The following ZNF277 variants were observed in gnomAD, a reference collection of about 807,000 sequenced individuals.
ZNF277 encodes the protein nuclear receptor-interacting factor 4.
A neutral mutation model predicts 60.7 loss-of-function variants in ZNF277; 55 were observed. The ratio of observed to expected loss-of-function variants is 0.91; its 90% CI spans 0.73 to 1.13. The LOEUF is 1.13. Among genes scored for constraint, ZNF277 ranks in the 50% most tolerant of loss-of-function variants. The probability of loss-of-function intolerance (pLI) is 0.00; values close to 1 mark genes in which losing one functional copy is unlikely to be tolerated. For synonymous variants in ZNF277, 178 were observed against 179.3 expected (o/e 0.99, Z 0.06); for missense variants, 510 against 523.0 (o/e 0.98, Z 0.24).
At chr7:112,219,213 T>C (rs1191784800) in intron 1 of ZNF277, among the ~76,000 whole-genome samples, 1 of 152,240 alleles carries the variant, frequency 6.6e-6, no homozygotes, top group African/African-American at 2.4e-5. Context: ...ATTAGTGATG[T>C]TGAGCATTTC....
intron 1 of ZNF277, among the ~76,000 whole-genome samples, chr7:112,224,701 G>A (rs956846197): frequency 1.3e-5 from 2 of 152,202 alleles, no homozygotes; most frequent in African/African-American, 2.4e-5. Flanking sequence ...GAACTATGCA[G>A]GTCTGGCAAG....
chr7:112,228,709 C>G (rs372215622), intron 1 of ZNF277, among the ~76,000 whole-genome samples: 1 of 152,090 alleles, frequency 6.6e-6, no homozygotes, highest in African/African-American at 2.4e-5. Context: ...ATAGTATATG[C>G]TAAGTTCCTT....
intron 1 of ZNF277, among the ~76,000 whole-genome samples, chr7:112,233,003 G>A (rs1587098897): frequency 6.6e-6 from 1 of 152,090 alleles, no homozygotes; most frequent in Admixed American, 6.6e-5. Context: ...ATTTCATTTA[G>A]ATTTCACCTT....
chr7:112,284,527 A>T (rs1424419450), intron 1 of ZNF277, among the ~76,000 whole-genome samples: 1 of 152,198 alleles, frequency 6.6e-6, no homozygotes, highest in African/African-American at 2.4e-5. Context: ...CTACTAAAAA[A>T]TATAACCTAC....
At chr7:112,298,878 C>T (rs1792411807) in intron 4 of ZNF277, among the ~76,000 whole-genome samples, 2 of 152,112 alleles carry the variant, frequency 1.3e-5, no homozygotes, top group Admixed American at 1.3e-4. Context: ...AGGTACATGC[C>T]TTTTAAGCCA....
chr7:112,308,943 G>C (rs1055022365), intron 4 of ZNF277, among the ~76,000 whole-genome samples: 1 of 152,046 alleles, frequency 6.6e-6, no homozygotes, highest in Non-Finnish European at 1.5e-5. Flanking sequence ...ATATGATCTG[G>C]TAAAAAACTG....
At chr7:112,252,674 C>T (rs1791226068) in intron 1 of ZNF277, among the ~76,000 whole-genome samples, 1 of 152,120 alleles carries the variant, frequency 6.6e-6, no homozygotes, top group Non-Finnish European at 1.5e-5. Flanking sequence ...CATCTGATAG[C>T]TCCCTGCTTC....
intron 1 of ZNF277, among the ~76,000 whole-genome samples, chr7:112,273,433 G>T (rs1563211687): frequency 6.6e-6 from 1 of 152,174 alleles, no homozygotes; most frequent in African/African-American, 2.4e-5. Context: ...TGGGGGATGG[G>T]GGAAGGGTGA....
chr7:112,260,276 TTCTA>T (rs1791413775), intron 1 of ZNF277, among the ~76,000 whole-genome samples: 1 of 152,166 alleles, frequency 6.6e-6, no homozygotes, highest in African/African-American at 2.4e-5. Context: ...AAAAAACTGC[TTCTA>T]CAGCACCAAA....
chr7:112,273,246 T>C (rs1791718934), intron 1 of ZNF277, among the ~76,000 whole-genome samples: 1 of 152,200 alleles, frequency 6.6e-6, no homozygotes, highest in African/African-American at 2.4e-5. Context: ...GCATGGGTGA[T>C]TCCCCTCTGA....
intron 1 of ZNF277, among the ~76,000 whole-genome samples, chr7:112,224,046 C>T (rs1822104716): frequency 1.3e-5 from 2 of 152,156 alleles, no homozygotes; most frequent in African/African-American, 2.4e-5. Flanking sequence ...CAGATGACTG[C>T]AGGCAGAGTA....
chr7:112,236,046 A>G (rs1025531875), intron 1 of ZNF277, among the ~76,000 whole-genome samples: 1 of 151,996 alleles, frequency 6.6e-6, no homozygotes, highest in African/African-American at 2.4e-5. Flanking sequence ...AATAGACCAT[A>G]TATGTGGGGT....
In ZNF277 at chr7:112,342,685, T is replaced by C. The variant is rs762262075; in HGVS notation, c.1309T>C (p.Tyr437His). The change falls in exon 12 of 12, where the codon TAT (tyrosine) becomes CAT (histidine). Residue 437 changes from tyrosine to histidine, a missense_variant. Physicochemically the swap from Tyr to His is moderately conservative, Grantham distance 83 (BLOSUM62 2). Coordinates refer to ENST00000361822, the MANE Select transcript of ZNF277 (RefSeq NM_021994.3). ...PIISEDTSKLYALKQSSILNQ... is the reference protein window; with the variant it reads ...PIISEDTSKLHALKQSSILNQ... ...CATCAGTGAAGATACATCTAAACTG[T>C]ATGCTTTGAAACAAAGCAGTATTTT... 6 of 1,609,408 alleles carry C rather than the reference T, an allele frequency of 3.7e-6. No individual in the cohort carries two copies. In the South Asian group the frequency reaches 6.6e-5, roughly 18 times the overall value.
At chr7:112,222,568 C>CT (rs1268245850) in intron 1 of ZNF277, among the ~76,000 whole-genome samples, 2 of 151,972 alleles carry the variant, frequency 1.3e-5, no homozygotes, top group Non-Finnish European at 2.9e-5. Flanking sequence ...AGGCTTCTGT[C>CT]TTTTTTTTCT....
chr7:112,267,845 G>A (rs1057070540), intron 1 of ZNF277, among the ~76,000 whole-genome samples: 1 of 152,144 alleles, frequency 6.6e-6, no homozygotes, highest in Non-Finnish European at 1.5e-5. Flanking sequence ...AGGGGTGGCA[G>A]CTTGCCCCAG....
chr7:112,264,024 A>G (rs1427220926), intron 1 of ZNF277, among the ~76,000 whole-genome samples: 1 of 152,088 alleles, frequency 6.6e-6, no homozygotes, highest in Non-Finnish European at 1.5e-5. Context: ...ATAAACAAAA[A>G]CAGCGCCTTA....
intron 1 of ZNF277, among the ~76,000 whole-genome samples, chr7:112,224,219 C>A (rs374758938): frequency 3.9e-5 from 6 of 152,196 alleles, no homozygotes; most frequent in African/African-American, 1.2e-4. Flanking sequence ...CTTTTGGCTT[C>A]CCTGGGCCAC....
chr7:112,213,236 G>C (rs1821799905), intron 1 of ZNF277, among the ~76,000 whole-genome samples: 1 of 152,084 alleles, frequency 6.6e-6, no homozygotes, highest in Non-Finnish European at 1.5e-5. Flanking sequence ...GCTCTTCCTT[G>C]CCTTCCACCA....
intron 1 of ZNF277, among the ~76,000 whole-genome samples, chr7:112,250,566 C>T (rs561734592): frequency 3.9e-5 from 6 of 152,264 alleles, no homozygotes; most frequent in Middle Eastern, 6.8e-3. Flanking sequence ...CCCGGATGCC[C>T]GGCTTTAAAA....
Sources: gnomAD v4.1 joint callset for allele counts (sites outside exome capture counted in the v4.1 genomes callset) on GRCh38, gnomAD v4.1.1 for gene constraint, MANE v1.5 for transcripts, NCBI Gene and HGNC (gene_info 2026-07-23, HGNC 2026-07-21) for gene names.